Variants in GHR observed in about 807,000 individuals in gnomAD.
GHR encodes growth hormone receptor.
GHR carries 35 observed loss-of-function variants against 67.1 expected under a neutral mutation model. The observed-to-expected ratio is 0.52, with a 90% CI of 0.40 to 0.69. GHR has a LOEUF of 0.69. GHR is among the 30% of genes least tolerant of loss of function. The probability of loss-of-function intolerance (pLI) is 0.00; values close to 1 mark genes in which losing one functional copy is unlikely to be tolerated. For synonymous variants in GHR, 272 were observed against 269.1 expected (o/e 1.01, Z -0.10); for missense variants, 792 against 764.6 (o/e 1.04, Z -0.42).
intron 1 of GHR, among the ~76,000 whole-genome samples, chr5:42,476,187 G>C (rs1452434298): frequency 1.3e-5 from 2 of 151,608 alleles, no homozygotes; most frequent in African/African-American, 4.8e-5. Flanking sequence ...ACAGGCGTGA[G>C]CCACCGCGCC....
rs560950159 is a variant in GHR, at chr5:42,504,269, G to A, written c.-11-61595G>A. Among the ~76,000 whole-genome samples the A allele has an allele frequency of 1.3e-4, 20 of 152,276 alleles. No individual in the cohort carries two copies. The South Asian group carries it at 1.7e-3, about 13-fold the overall frequency. Reference sequence around the variant, plus strand: ...CTATAGGCCCTAGTTCAGTTTACCTGATTTTATGCCCAATTTTTAATGAGA... The same window carrying A: ...CTATAGGCCCTAGTTCAGTTTACCTAATTTTATGCCCAATTTTTAATGAGA... On this transcript the variant is annotated intron_variant, in intron 1 of 9. Transcript: ENST00000230882.
At chr5:42,692,944 T>A (rs544306647) in intron 4 of GHR, among the ~76,000 whole-genome samples, 6 of 152,290 alleles carry the variant, frequency 3.9e-5, no homozygotes, top group African/African-American at 1.2e-4. Flanking sequence ...CTTACTTAAT[T>A]TGAAAGTAAA....
intron 2 of GHR, among the ~76,000 whole-genome samples, chr5:42,567,448 TG>T (rs1448041146): frequency 6.6e-6 from 1 of 152,200 alleles, no homozygotes; most frequent in Non-Finnish European, 1.5e-5. Flanking sequence ...GTTTGCTTTT[TG>T]TTTTTCTTTT....
At chr5:42,481,388 G>T (rs182644956) in intron 1 of GHR, among the ~76,000 whole-genome samples, 69 of 152,280 alleles carry the variant, frequency 4.5e-4, no homozygotes, top group African/African-American at 1.6e-3. Flanking sequence ...TTCTCGAGGA[G>T]TATCTTTATG....
intron 1 of GHR, among the ~76,000 whole-genome samples, chr5:42,521,787 A>G (rs1391805121): frequency 6.6e-6 from 1 of 152,242 alleles, no homozygotes; most frequent in Admixed American, 6.5e-5. Context: ...TTCTAGTTAT[A>G]TAAAATGTAT....
chr5:42,522,788 AAG>A (rs1747533686), intron 1 of GHR, among the ~76,000 whole-genome samples: 1 of 152,208 alleles, frequency 6.6e-6, no homozygotes, highest in African/African-American at 2.4e-5. Context: ...GGTTTTAAGA[AAG>A]AGTCTGAAAA....
At chr5:42,453,035 T>G (rs1201753553) in intron 1 of GHR, among the ~76,000 whole-genome samples, 1 of 150,836 alleles carries the variant, frequency 6.6e-6, no homozygotes, top group African/African-American at 2.5e-5. Flanking sequence ...TACTTAAAAT[T>G]GTTTTTGTGG....
At chr5:42,548,062 G>C (rs1748818771) in intron 1 of GHR, 13 of 984,670 alleles carry the variant, frequency 1.3e-5, no homozygotes, top group Non-Finnish European at 1.6e-5. Flanking sequence ...AGCTGATTTG[G>C]CTGCCTCCAT....
intron 1 of GHR, among the ~76,000 whole-genome samples, chr5:42,461,177 C>T (rs564445404): frequency 3.9e-5 from 6 of 152,240 alleles, no homozygotes; most frequent in East Asian, 1.9e-4. Context: ...ACACAGCTGC[C>T]CCTTGTAATA....
At chr5:42,511,734 AT>A (rs1561086590) in intron 1 of GHR, among the ~76,000 whole-genome samples, 1 of 152,036 alleles carries the variant, frequency 6.6e-6, no homozygotes, top group Non-Finnish European at 1.5e-5. Flanking sequence ...AATGACTTTT[AT>A]CAAACCTGGT....
At chr5:42,668,341 T>C (rs758050994) in intron 3 of GHR, among the ~76,000 whole-genome samples, 32 of 152,314 alleles carry the variant, frequency 2.1e-4, no homozygotes, top group African/African-American at 5.5e-4. Context: ...TAGGGCACTA[T>C]TGACATTTTG....
chr5:42,641,713 T>G (rs939394334), intron 3 of GHR, among the ~76,000 whole-genome samples: 3 of 152,224 alleles, frequency 2.0e-5, no homozygotes, highest in African/African-American at 7.2e-5. Flanking sequence ...AAGTAAAATT[T>G]GTCTTGGGTA....
chr5:42,481,186 T>C (rs912160396), intron 1 of GHR, among the ~76,000 whole-genome samples: 6 of 152,166 alleles, frequency 3.9e-5, no homozygotes, highest in Non-Finnish European at 2.9e-5. Context: ...GGTTGAAAAT[T>C]CTTTTCTTTA....
At chr5:42,590,107 A>G (rs1056883356) in intron 2 of GHR, among the ~76,000 whole-genome samples, 2 of 152,210 alleles carry the variant, frequency 1.3e-5, no homozygotes, top group Admixed American at 6.5e-5. Flanking sequence ...AGAATGAGGA[A>G]CATATAAAAT....
chr5:42,590,100 A>G (rs1274386205), intron 2 of GHR, among the ~76,000 whole-genome samples: 2 of 152,202 alleles, frequency 1.3e-5, no homozygotes, highest in Non-Finnish European at 2.9e-5. Context: ...ACTGAAAAGA[A>G]TGAGGAACAT....
In GHR at chr5:42,560,252, G is replaced by A. The variant is rs147952978; in HGVS notation, c.-11-5612G>A. ...CTCTGTTGCCAGGCTGGAGTGCAAG[G>A]GCATAATCTCGGCTCACTGCAACCT... On this transcript the variant is annotated intron_variant, in intron 1 of 9. Coordinates refer to ENST00000230882, the MANE Select transcript of GHR (RefSeq NM_000163.5). Among the ~76,000 whole-genome samples the A allele has an allele frequency of 2.9e-3, 440 of 152,212 alleles. 3 individuals carry two copies. Among genetic ancestry groups the A allele is most frequent in the African/African-American group, 0.01 (418 of 41,516 alleles).
chr5:42,708,963 C>T (rs563560737), intron 6 of GHR, among the ~76,000 whole-genome samples: 158 of 152,114 alleles, frequency 1.0e-3, no homozygotes, highest in South Asian at 4.6e-3. Flanking sequence ...AGACCAGGGG[C>T]TTATATATAA....
At chr5:42,563,123 T>G (rs1329337633) in intron 1 of GHR, among the ~76,000 whole-genome samples, 1 of 152,202 alleles carries the variant, frequency 6.6e-6, no homozygotes, top group Non-Finnish European at 1.5e-5. Flanking sequence ...GGATGCAGCC[T>G]TCCGAGAAAT....
intron 3 of GHR, among the ~76,000 whole-genome samples, chr5:42,662,468 A>G (rs1279492764): frequency 6.6e-6 from 1 of 152,210 alleles, no homozygotes; most frequent in Non-Finnish European, 1.5e-5. Flanking sequence ...AAACCACTCA[A>G]CTACATGGAA....
Sources: gnomAD v4.1 joint callset for allele counts (sites outside exome capture counted in the v4.1 genomes callset) on GRCh38, gnomAD v4.1.1 for gene constraint, MANE v1.5 for transcripts, NCBI Gene and HGNC (gene_info 2026-07-23, HGNC 2026-07-21) for gene names.